RHOJ: variants seen among roughly 807,000 people sequenced by gnomAD.
The protein encoded by RHOJ is rho-related GTP-binding protein RhoJ.
In RHOJ, 11 loss-of-function variants were observed where a neutral mutation model predicts 23.4. The ratio of observed to expected loss-of-function variants is 0.47; its 90% CI spans 0.30 to 0.78. The LOEUF (loss-of-function observed/expected upper bound fraction) is 0.78, where lower values mean the gene tolerates loss of function less well. Ranked by LOEUF, RHOJ falls within the 30% of genes least tolerant of loss-of-function variation. RHOJ has a pLI of 0.08. For missense variants in RHOJ, 254 were observed against 273.4 expected (o/e 0.93, Z 0.50); for synonymous variants, 102 against 102.7 (o/e 0.99, Z 0.04).
chr14:63,222,705 T>A (rs946772792), intron 1 of RHOJ, among the ~76,000 whole-genome samples: 7 of 152,164 alleles, frequency 4.6e-5, no homozygotes, highest in African/African-American at 1.4e-4. Flanking sequence ...GTTTGAGTTC[T>A]TTGTAGATTC....
chr14:63,269,860 A>AATGGCACT (rs1365675368), intron 2 of RHOJ, among the ~76,000 whole-genome samples: 1 of 152,188 alleles, frequency 6.6e-6, no homozygotes, highest in Admixed American at 6.5e-5. Flanking sequence ...TTTGGGTGAA[A>AATGGCACT]ATGGCACTTA....
At chr14:63,247,628 TGCCC>T in intron 1 of RHOJ, among the ~76,000 whole-genome samples, 1 of 152,216 alleles carries the variant, frequency 6.6e-6, no homozygotes, top group African/African-American at 2.4e-5. Context: ...TATTTGAATG[TGCCC>T]TTGGGTAGAA....
chr14:63,242,720 T>G (rs1213539380), intron 1 of RHOJ, among the ~76,000 whole-genome samples: 1 of 152,182 alleles, frequency 6.6e-6, no homozygotes, highest in Non-Finnish European at 1.5e-5. Context: ...TTGCCGTGAT[T>G]CTCTTTAAGC....
intron 1 of RHOJ, among the ~76,000 whole-genome samples, chr14:63,207,128 T>C (rs899934352): frequency 2.6e-5 from 4 of 151,292 alleles, no homozygotes; most frequent in Non-Finnish European, 5.9e-5. Context: ...ACCTCCTGGG[T>C]TCAAGCGATT....
intron 2 of RHOJ, among the ~76,000 whole-genome samples, chr14:63,277,642 T>G (rs928820044): frequency 6.6e-6 from 1 of 152,200 alleles, no homozygotes; most frequent in Admixed American, 6.5e-5. Context: ...TAGCATTTAT[T>G]GAATATTTAC....
chr14:63,254,297 C>T (rs538686189), intron 1 of RHOJ, among the ~76,000 whole-genome samples: 11 of 152,184 alleles, frequency 7.2e-5, no homozygotes, highest in Admixed American at 3.3e-4. Flanking sequence ...AAAGTATCAC[C>T]GTGGCCTTCT....
intron 4 of RHOJ, chr14:63,284,261 G>A: frequency 1.0e-6 from 1 of 985,176 alleles, no homozygotes; most frequent in South Asian, 4.7e-5. Flanking sequence ...ATACAATCAT[G>A]TTTTTACAGG....
At chr14:63,280,848 AG>A in intron 2 of RHOJ, 122 bp from the exon 3 acceptor site, 3 of 835,702 alleles carry the variant, frequency 3.6e-6, no homozygotes, top group Non-Finnish European at 5.3e-6. Context: ...ACCAGATTCC[AG>A]GGTTGAGGAA....
chr14:63,223,128 G>A (rs542303848), intron 1 of RHOJ, among the ~76,000 whole-genome samples: 3 of 152,302 alleles, frequency 2.0e-5, no homozygotes, highest in South Asian at 2.1e-4. Context: ...GATGCAAGTC[G>A]CATGTGAAGA....
At chr14:63,220,367 A>T (rs1195551431) in intron 1 of RHOJ, among the ~76,000 whole-genome samples, 2 of 115,180 alleles carry the variant, frequency 1.7e-5, no homozygotes, top group Admixed American at 8.6e-5. Flanking sequence ...CTGAGTAATT[A>T]AAAAAAAATC....
chr14:63,274,381 T>C (rs1228862817), intron 2 of RHOJ, among the ~76,000 whole-genome samples: 1 of 152,154 alleles, frequency 6.6e-6, no homozygotes, highest in Non-Finnish European at 1.5e-5. Flanking sequence ...GACAGCTGCT[T>C]AGTAAAAGCA....
intron 1 of RHOJ, among the ~76,000 whole-genome samples, chr14:63,228,939 T>C (rs1175766657): frequency 6.6e-6 from 1 of 152,226 alleles, no homozygotes; most frequent in African/African-American, 2.4e-5. Context: ...TTTTCCTACA[T>C]GCTCTCATAG....
chr14:63,228,191 T>G (rs906641968), intron 1 of RHOJ, among the ~76,000 whole-genome samples: 4 of 152,242 alleles, frequency 2.6e-5, no homozygotes, highest in African/African-American at 7.2e-5. Flanking sequence ...ATAAAATATA[T>G]GTACACTTTT....
intron 4 of RHOJ, chr14:63,284,197 C>A: frequency 1.0e-6 from 1 of 982,408 alleles, no homozygotes; most frequent in Non-Finnish European, 1.2e-6. Flanking sequence ...CTTATTAAAT[C>A]TTGCTTGCAG....
At chr14:63,224,846 C>G (rs1002180930) in intron 1 of RHOJ, among the ~76,000 whole-genome samples, 2 of 152,188 alleles carry the variant, frequency 1.3e-5, no homozygotes, top group African/African-American at 2.4e-5. Flanking sequence ...TAACCCCCAG[C>G]CCCTCGACCC....
chr14:63,220,267 G>A (rs1351384012), intron 1 of RHOJ, among the ~76,000 whole-genome samples: 1 of 151,800 alleles, frequency 6.6e-6, no homozygotes, highest in Non-Finnish European at 1.5e-5. Context: ...GGATTCATTA[G>A]TATCCTCTCT....
intron 1 of RHOJ, among the ~76,000 whole-genome samples, chr14:63,242,956 C>A (rs1431191954): frequency 6.6e-6 from 1 of 151,362 alleles, no homozygotes; most frequent in African/African-American, 2.4e-5. Context: ...CAGTTCAGAT[C>A]AATATGTTGT....
intron 1 of RHOJ, among the ~76,000 whole-genome samples, chr14:63,260,875 C>G (rs1355893023): frequency 6.6e-6 from 1 of 151,942 alleles, no homozygotes; most frequent in Non-Finnish European, 1.5e-5. Flanking sequence ...ACCAAATGCC[C>G]TCTTGATATA....
At chr14:63,244,527 G>A (rs547431683) in intron 1 of RHOJ, among the ~76,000 whole-genome samples, 19 of 152,236 alleles carry the variant, frequency 1.2e-4, no homozygotes, top group Non-Finnish European at 1.0e-4. Flanking sequence ...GTGGTGAGCC[G>A]AGATCACGCC....
Sources: allele counts gnomAD v4.1 joint callset (sites outside exome capture counted in the v4.1 genomes callset), GRCh38; gene constraint gnomAD v4.1.1; transcripts MANE v1.5; gene names NCBI Gene and HGNC (gene_info 2026-07-23, HGNC 2026-07-21).